CSMD3: variants seen among roughly 807,000 people sequenced by gnomAD.
CSMD3 encodes CUB and Sushi multiple domains 3.
A neutral mutation model predicts 435.2 loss-of-function variants in CSMD3; 177 were observed. The ratio of observed to expected loss-of-function variants is 0.41; its 90% CI spans 0.36 to 0.46. CSMD3 has a LOEUF of 0.46. Ranked by LOEUF, CSMD3 falls within the 20% of genes least tolerant of loss-of-function variation. The probability of loss-of-function intolerance (pLI) is 0.34; values close to 1 mark genes in which losing one functional copy is unlikely to be tolerated. For synonymous variants in CSMD3, 1,656 were observed against 1,520.5 expected, an observed-to-expected ratio of 1.09 and a Z score of -2.07; for missense variants, 4,265 against 4,504.6, an observed-to-expected ratio of 0.95 and a Z score of 1.52.
At chr8:112,798,862 A>G (rs1263022040) in intron 13 of CSMD3, among the ~76,000 whole-genome samples, 1 of 151,906 alleles carries the variant, frequency 6.6e-6, no homozygotes, top group African/African-American at 2.4e-5. Context: ...AGCCATTTAG[A>G]GGGAGAAGGG....
At chr8:113,117,331 C>T (rs1386279597) in intron 4 of CSMD3, among the ~76,000 whole-genome samples, 1 of 152,176 alleles carries the variant, frequency 6.6e-6, no homozygotes, top group Non-Finnish European at 1.5e-5. Context: ...TGAGCACCAA[C>T]CCTTGGCAGC....
In CSMD3 at chr8:112,518,607, GGTGTGTGTGT is replaced by G. The variant is rs35981644; in HGVS notation, c.4565-1392_4565-1383del. Among the ~76,000 whole-genome samples, 4 of 144,904 alleles carry G rather than the reference GGTGTGTGTGT, an allele frequency of 2.8e-5. No homozygotes were observed. The Admixed American group carries it at 2.8e-4, about 10-fold the overall frequency. ...TGGATAGAGATCTTTTATAAAAAAT[GGTGTGTGTGT>G]GTGTGTGTGTGTGAGAGAGAGAGAG... On this transcript the variant is annotated intron_variant, in intron 27 of 70. Coordinates refer to ENST00000297405, the MANE Select transcript of CSMD3 (RefSeq NM_198123.2).
At chr8:113,396,834 C>T (rs1376007503) in intron 1 of CSMD3, among the ~76,000 whole-genome samples, 1 of 151,922 alleles carries the variant, frequency 6.6e-6, no homozygotes, top group Non-Finnish European at 1.5e-5. Flanking sequence ...ACATCACTAC[C>T]AGATATATTA....
chr8:112,600,837 C>G (rs1014310131), intron 22 of CSMD3, among the ~76,000 whole-genome samples: 5 of 151,990 alleles, frequency 3.3e-5, no homozygotes, highest in Non-Finnish European at 5.9e-5. Flanking sequence ...GCCACTACGC[C>G]CAGCTAATTT....
chr8:113,159,093 T>A (rs2091989130), intron 4 of CSMD3, among the ~76,000 whole-genome samples: 1 of 151,968 alleles, frequency 6.6e-6, no homozygotes, highest in Non-Finnish European at 1.5e-5. Context: ...TAAAGCCATG[T>A]GGTGAGTATA....
chr8:112,466,873 T>C (rs1818007815), intron 32 of CSMD3, among the ~76,000 whole-genome samples: 1 of 152,138 alleles, frequency 6.6e-6, no homozygotes, highest in South Asian at 2.1e-4. Context: ...AACATAATAC[T>C]ATAATAGAGC....
At chr8:112,587,880 A>C (rs1170582753) in intron 22 of CSMD3, among the ~76,000 whole-genome samples, 1 of 151,872 alleles carries the variant, frequency 6.6e-6, no homozygotes, top group African/African-American at 2.4e-5. Context: ...CATTCTTATA[A>C]TAGATAAAAT....
chr8:113,331,941 A>C (rs1187763079), intron 1 of CSMD3, among the ~76,000 whole-genome samples: 1 of 151,780 alleles, frequency 6.6e-6, no homozygotes, highest in Non-Finnish European at 1.5e-5. Context: ...AAATTAGATA[A>C]GAAAAAAATA....
intron 32 of CSMD3, among the ~76,000 whole-genome samples, chr8:112,438,726 A>C (rs1326427262): frequency 2.6e-5 from 4 of 152,218 alleles, no homozygotes; most frequent in Non-Finnish European, 5.9e-5. Context: ...CATGTTATCC[A>C]TCTAGATATA....
intron 1 of CSMD3, among the ~76,000 whole-genome samples, chr8:113,364,123 A>T (rs1384042969): frequency 6.6e-6 from 1 of 152,080 alleles, no homozygotes; most frequent in African/African-American, 2.4e-5. Context: ...AAGAATTCTT[A>T]TGTGTTTTTA....
chr8:113,210,870 C>T (rs1243381663), intron 3 of CSMD3, among the ~76,000 whole-genome samples: 1 of 138,110 alleles, frequency 7.2e-6, no homozygotes, highest in African/African-American at 3.0e-5. Flanking sequence ...CAGAGCAAGA[C>T]TCATTCTCAA....
chr8:113,096,423 C>T (rs1337312757), intron 5 of CSMD3, among the ~76,000 whole-genome samples: 1 of 152,034 alleles, frequency 6.6e-6, no homozygotes, highest in African/African-American at 2.4e-5. Flanking sequence ...TCTTGAAAAC[C>T]CAATAATTTA....
chr8:113,252,881 T>C (rs749127293), intron 3 of CSMD3, among the ~76,000 whole-genome samples: 22 of 152,054 alleles, frequency 1.4e-4, no homozygotes, highest in Non-Finnish European at 2.6e-4. Context: ...AAGCCCCACA[T>C]TGCAAAGAAT....
At chr8:112,294,752 C>A (rs982347375) in intron 54 of CSMD3, among the ~76,000 whole-genome samples, 9 of 151,970 alleles carry the variant, frequency 5.9e-5, no homozygotes, top group African/African-American at 2.2e-4. Context: ...ATCTAATCAA[C>A]CTAAAAGATC....
intron 1 of CSMD3, among the ~76,000 whole-genome samples, chr8:113,356,132 T>C (rs2094225614): frequency 6.6e-6 from 1 of 151,990 alleles, no homozygotes; most frequent in African/African-American, 2.4e-5. Flanking sequence ...CATTCATGCA[T>C]ATACCACTTA....
chr8:112,301,794 T>C lies in CSMD3; in HGVS notation c.8439A>G (p.Leu2813=). 5 of 1,612,762 alleles carry C rather than the reference T, an allele frequency of 3.1e-6. No homozygotes were observed. Among genetic ancestry groups the C allele is most frequent in the Non-Finnish European group, 4.2e-6 (5 of 1,178,866 alleles). ...CAAAAACAAATTAAAAATCTGTACC[T>C]AGGCATCTGGTTTCAGATTCACTCC... ...GLWSESETRC[L]AGHCGIPELI... Residue 2813 remains leucine, a splice_region_variant and synonymous_variant, in exon 53 of 71, where the codon CTA becomes CTG. Coordinates refer to ENST00000297405, the MANE Select transcript of CSMD3 (RefSeq NM_198123.2).
rs368636739 is a variant in CSMD3, at chr8:112,517,146, G to A, written c.4644C>T (p.Asp1548=). ...CTGGGTCACATTGAAAAACAACAGT[G>A]TCCCCAGGTTCTCTTCCATCCCCAT... is the stretch of plus-strand genomic sequence containing the variant. The part of the protein sequence containing the change: ...TRNGDGREPG[D]TVVFQCDPGY... The change falls in exon 28 of 71, where the codon GAC becomes GAT. Residue 1548 remains aspartate, a synonymous_variant. Transcript: ENST00000297405. The A allele has an allele frequency of 3.7e-6, 6 of 1,613,368 alleles. No individual in the cohort carries two copies. In the East Asian group the frequency reaches 1.3e-4, roughly 36 times the overall value.
At chr8:112,734,892 A>AT (rs1352935122) in intron 13 of CSMD3, among the ~76,000 whole-genome samples, 2 of 151,916 alleles carry the variant, frequency 1.3e-5, no homozygotes, top group African/African-American at 4.8e-5. Flanking sequence ...TATCATACTC[A>AT]TTTTTCTGTA....
chr8:112,426,628 T>C (rs1026378896), intron 32 of CSMD3, among the ~76,000 whole-genome samples: 1 of 152,222 alleles, frequency 6.6e-6, no homozygotes, highest in African/African-American at 2.4e-5. Context: ...TATCACCAGA[T>C]ACTATCATTA....
Sources: allele counts gnomAD v4.1 joint callset (sites outside exome capture counted in the v4.1 genomes callset), GRCh38; gene constraint gnomAD v4.1.1; transcripts MANE v1.5; gene names NCBI Gene and HGNC (gene_info 2026-07-23, HGNC 2026-07-21).